The following DCDC2C variants were observed in gnomAD, a reference collection of about 807,000 sequenced individuals.
DCDC2C encodes doublecortin domain containing 2C, also known as doublecortin domain-containing protein 2C.
A neutral mutation model predicts 45.0 loss-of-function variants in DCDC2C; 44 were observed. That is an observed-to-expected ratio of 0.98 (90% confidence interval 0.77 to 1.26). The LOEUF is 1.26. Among genes scored for constraint, DCDC2C ranks in the 50% most tolerant of loss-of-function variants. The pLI is 0.00. For missense variants in DCDC2C, 447 were observed against 468.9 expected (o/e 0.95, Z 0.43); for synonymous variants, 187 against 178.8 (o/e 1.05, Z -0.37).
intron 10 of DCDC2C, among the ~76,000 whole-genome samples, chr2:3,839,441 TA>T (rs1672155870): frequency 6.6e-6 from 1 of 152,234 alleles, no homozygotes; most frequent in African/African-American, 2.4e-5. Context: ...GAGTATTGAA[TA>T]CGGTACTTAC....
chr2:3,712,376 GAC>G (rs1668236109), intron 2 of DCDC2C, among the ~76,000 whole-genome samples: 4 of 151,612 alleles, frequency 2.6e-5, no homozygotes, highest in African/African-American at 7.3e-5. Context: ...CGAACTAAAA[GAC>G]TTGTTGGCCA....
intron 4 of DCDC2C, among the ~76,000 whole-genome samples, chr2:3,750,225 C>G (rs576476138): frequency 2.4e-4 from 37 of 152,282 alleles, no homozygotes; most frequent in African/African-American, 7.7e-4. Flanking sequence ...GTCCCTTGGT[C>G]TCCCCTCAAC....
chr2:3,742,702 C>T lies in DCDC2C; in HGVS notation c.545+654C>T, dbSNP rs533288701. On this transcript the variant is annotated intron_variant, in intron 4 of 10. Coordinates refer to ENST00000399143, the MANE Select transcript of DCDC2C (RefSeq NM_001287444.2). ...AGCAAAACACTTGATGCATAGTAGG[C>T]GTGAAATGGGTTTGTGATTATGATT... Among the ~76,000 whole-genome samples, 3 of 152,250 alleles carry T rather than the reference C, an allele frequency of 2.0e-5. No individual in the cohort carries two copies. In the South Asian group the frequency reaches 6.2e-4, roughly 32 times the overall value.
At chr2:3,820,520 C>T (rs1375273411) in intron 10 of DCDC2C, among the ~76,000 whole-genome samples, 1 of 152,060 alleles carries the variant, frequency 6.6e-6, no homozygotes, top group African/African-American at 2.4e-5. Flanking sequence ...GGCAGGCAGC[C>T]CCGTGGTGAT....
chr2:3,768,837 G>C (rs183061270), intron 7 of DCDC2C, among the ~76,000 whole-genome samples: 1 of 152,230 alleles, frequency 6.6e-6, no homozygotes, highest in African/African-American at 2.4e-5. Context: ...GCCTCCCAAA[G>C]TGTTGGGATT....
chr2:3,841,508 A>C (rs56911492), intron 10 of DCDC2C, among the ~76,000 whole-genome samples: 381 of 146,080 alleles, frequency 2.6e-3, no homozygotes, highest in African/African-American at 9.4e-3. Context: ...GGGAGTGCTT[A>C]TGTGTGGGAC....
At chr2:3,715,899 G>A (rs1306878448) in intron 2 of DCDC2C, among the ~76,000 whole-genome samples, 1 of 152,108 alleles carries the variant, frequency 6.6e-6, no homozygotes, top group Non-Finnish European at 1.5e-5. Context: ...GTCATGCTGG[G>A]GGCTGTTTGA....
chr2:3,725,800 T>TGACGAGGCTGGCCAGGGGGAGATGAGC (rs1572562266), intron 2 of DCDC2C: 1 of 16,006 alleles, frequency 6.2e-5, no homozygotes, highest in Non-Finnish European at 1.2e-4. Flanking sequence ...GGGAGATGAG[T>TGACGAGGCTGGCCAGGGGGAGATGAGC]AGAGAGTGAT....
intron 3 of DCDC2C, among the ~76,000 whole-genome samples, chr2:3,739,522 C>A (rs1034442958): frequency 6.6e-6 from 1 of 152,232 alleles, no homozygotes; most frequent in Non-Finnish European, 1.5e-5. Flanking sequence ...TCAAGAGGAA[C>A]GCACCAACAG....
At chr2:3,707,597 G>GA in intron 1 of DCDC2C, among the ~76,000 whole-genome samples, 1 of 152,252 alleles carries the variant, frequency 6.6e-6, no homozygotes, top group African/African-American at 2.4e-5. Context: ...GTCTCCCTTG[G>GA]AAAAAATAGA....
At chr2:3,730,286 TA>T (rs1018420114) in intron 3 of DCDC2C, among the ~76,000 whole-genome samples, 27 of 151,202 alleles carry the variant, frequency 1.8e-4, no homozygotes, top group African/African-American at 2.9e-4. Flanking sequence ...CCCCATCTCT[TA>T]AAAAAAAATA....
At chr2:3,743,337 A>T (rs1669270061) in intron 4 of DCDC2C, among the ~76,000 whole-genome samples, 1 of 152,222 alleles carries the variant, frequency 6.6e-6, no homozygotes, top group Admixed American at 6.5e-5. Flanking sequence ...ACTTTCAACA[A>T]TGAATACATC....
intron 2 of DCDC2C, among the ~76,000 whole-genome samples, chr2:3,711,112 T>C (rs1007750169): frequency 6.6e-6 from 1 of 152,226 alleles, no homozygotes; most frequent in African/African-American, 2.4e-5. Flanking sequence ...AAAATAGCCA[T>C]TCTGCTATTA....
chr2:3,703,618 CGTCCCCGTCCT>C lies in DCDC2C; in HGVS notation c.-132_-122del. 3.4e-6 allele frequency: 3 copies of C among 882,416 alleles called. No homozygotes were observed. Among genetic ancestry groups the C allele is most frequent in the Non-Finnish European group, 4.4e-6 (3 of 680,436 alleles). 54.7% of individuals were successfully genotyped at this position (882,416 alleles called of 1,614,324 possible). A position where few individuals can be genotyped will look rare whatever the true frequency, so the allele number is the denominator to read the frequency against. The stretch of plus-strand genomic sequence containing the variant: ...TCCAGCCCCCGTCCCGTCCCCGTCC[CGTCCCCGTCCT>C]GCGCCAGCGGCTGGAGCGGACCTCC... On this transcript the variant is annotated 5_prime_UTR_variant, in exon 1 of 11. Coordinates refer to ENST00000399143, the MANE Select transcript of DCDC2C (RefSeq NM_001287444.2). The surrounding 1 kb of genome is among the most constrained non-coding windows in gnomAD (Gnocchi z 4.4).
chr2:3,838,885 A>C (rs1457513154), intron 10 of DCDC2C, among the ~76,000 whole-genome samples: 1 of 152,216 alleles, frequency 6.6e-6, no homozygotes, highest in Non-Finnish European at 1.5e-5. Flanking sequence ...TGCTAGACTT[A>C]TTTAGGTTGC....
At chr2:3,755,147 A>G (rs1016925476) in intron 6 of DCDC2C, among the ~76,000 whole-genome samples, 1 of 151,214 alleles carries the variant, frequency 6.6e-6, no homozygotes, top group Non-Finnish European at 1.5e-5. Flanking sequence ...ATGTGTGTGT[A>G]TGTATGGATG....
chr2:3,773,543 T>C (rs1027036329), intron 8 of DCDC2C, among the ~76,000 whole-genome samples: 2 of 152,204 alleles, frequency 1.3e-5, no homozygotes, highest in Non-Finnish European at 2.9e-5. Flanking sequence ...TCTTACAATC[T>C]GTGCAAAAAA....
chr2:3,706,103 T>A (rs1668058658), intron 1 of DCDC2C, among the ~76,000 whole-genome samples: 1 of 152,242 alleles, frequency 6.6e-6, no homozygotes, highest in Non-Finnish European at 1.5e-5. Context: ...TTTTCACTGG[T>A]ATTAGTAAAG....
chr2:3,834,546 C>T (rs1672029720), intron 10 of DCDC2C, among the ~76,000 whole-genome samples: 1 of 152,186 alleles, frequency 6.6e-6, no homozygotes. Context: ...TGCTCAGGGT[C>T]TGTGGGAGGA....
Sources: gnomAD v4.1 joint callset for allele counts (sites outside exome capture counted in the v4.1 genomes callset) on GRCh38, gnomAD v4.1.1 for gene constraint, Gnocchi (gnomAD v3.1) non-coding constraint, MANE v1.5 for transcripts, NCBI Gene and HGNC (gene_info 2026-07-23, HGNC 2026-07-21) for gene names.